The following LCOR variants were observed in gnomAD, a reference collection of about 807,000 sequenced individuals.
The protein encoded by LCOR is ligand dependent nuclear receptor corepressor, also known as ligand-dependent corepressor.
A neutral mutation model predicts 64.4 loss-of-function variants in LCOR; 14 were observed. The observed-to-expected ratio is 0.22, with a 90% confidence interval of 0.14 to 0.34. The LOEUF (loss-of-function observed/expected upper bound fraction) is 0.34, where lower values mean the gene tolerates loss of function less well. Ranked by LOEUF, LCOR falls within the 10% of genes least tolerant of loss-of-function variation. The probability of loss-of-function intolerance (pLI) is 1.00; values close to 1 mark genes in which losing one functional copy is unlikely to be tolerated. For synonymous variants in LCOR, 643 were observed against 642.5 expected, an observed-to-expected ratio of 1.00 and a Z score of -0.01; for missense variants, 1,686 against 1,765.3, an observed-to-expected ratio of 0.96 and a Z score of 0.80.
chr10:96,970,682 CAG>C (rs1328991319), intron 7 of LCOR, among the ~76,000 whole-genome samples: 3 of 144,204 alleles, frequency 2.1e-5, no homozygotes, highest in African/African-American at 5.5e-5. Context: ...ATTTTAGAGA[CAG>C]AGTCTCACTC....
rs545280011 is a variant in LCOR, at chr10:96,882,558, C to T, written c.-329-24707C>T. ...TTGATTTCTCCATACTACAGTGGTA[C>T]ATTTATTATAGTTGATGAACCTACG... On this transcript the variant is annotated intron_variant, in intron 2 of 7. Coordinates refer to ENST00000421806, the MANE Select transcript of LCOR (RefSeq NM_001346516.2). 3.6e-4 allele frequency among the ~76,000 whole-genome samples: 55 copies of T among 152,266 alleles called. 1 individual carries two copies. Among genetic ancestry groups the T allele is most frequent in the African/African-American group, 1.2e-3 (49 of 41,558 alleles).
intron 2 of LCOR, among the ~76,000 whole-genome samples, chr10:96,892,042 G>A (rs1846455024): frequency 6.6e-6 from 1 of 152,148 alleles, no homozygotes; most frequent in Non-Finnish European, 1.5e-5. Context: ...ATGTTCCAGT[G>A]CACTTGAAAA....
chr10:96,855,903 G>C (rs188529674), intron 2 of LCOR, among the ~76,000 whole-genome samples: 1 of 150,610 alleles, frequency 6.6e-6, no homozygotes, highest in Admixed American at 6.6e-5. Flanking sequence ...CACCATGCCC[G>C]GCTAATTTTG....
intron 2 of LCOR, among the ~76,000 whole-genome samples, chr10:96,889,349 C>T (rs747084227): frequency 4.9e-4 from 74 of 152,108 alleles, no homozygotes; most frequent in Non-Finnish European, 8.1e-4. Context: ...ACCAAAATAC[C>T]ACAGGCTTAG....
At chr10:96,960,143 C>G (rs1847855850) in intron 7 of LCOR, 1 of 152,170 alleles carries the variant, frequency 6.6e-6, no homozygotes. Flanking sequence ...AATATCATAA[C>G]TACCTTCTGT....
intron 1 of LCOR, 72 bp from the exon 2 acceptor site, chr10:96,833,334 C>A: frequency 1.0e-6 from 1 of 958,458 alleles, no homozygotes; most frequent in Non-Finnish European, 1.2e-6. Flanking sequence ...CGGACGGGGG[C>A]GCCCCGGGAG....
rs2134564802 is a variant in LCOR at position 96,982,788 on chromosome 10, G to A, written c.2328G>A (p.Glu776=). ...AAGGIGKLEG[E]DGDVKCLSEK... is the part of the protein sequence containing the mutation. Reference sequence around the variant, plus strand: ...GTGGTATAGGAAAATTAGAGGGAGAGGACGGTGATGTAAAATGCCTGTCAG... The same window carrying A: ...GTGGTATAGGAAAATTAGAGGGAGAAGACGGTGATGTAAAATGCCTGTCAG... The change falls in exon 8 of 8, where the codon GAG becomes GAA. Residue 776 remains glutamate (E), a synonymous_variant. Coordinates refer to ENST00000421806, the MANE Select transcript of LCOR (RefSeq NM_001346516.2). 6.2e-7 allele frequency: 1 copy of A among 1,614,022 alleles called. No homozygotes were observed. Among genetic ancestry groups the A allele is most frequent in the East Asian group, 2.2e-5 (1 of 44,880 alleles).
rs1263467080 is a variant in LCOR at position 96,990,593 on chromosome 10, C to T, written c.*5459C>T. The T allele has an allele frequency of 1.3e-5, 2 of 152,284 alleles. No homozygotes were observed. Among genetic ancestry groups the T allele is most frequent in the Admixed American group, 6.6e-5 (1 of 15,264 alleles). The allele number at this position is 152,284 out of a possible 1,614,324, so 9.4% of individuals were successfully genotyped here. On this transcript the variant is annotated 3_prime_UTR_variant, in exon 8 of 8. Coordinates refer to ENST00000421806, the MANE Select transcript of LCOR (RefSeq NM_001346516.2). ...ATTAGACTCAGGCAGAAACTCAGAG[C>T]TCTCAGGGCTTTGCTGTGCTGTGCT... is the stretch of plus-strand genomic sequence containing the variant.
At chr10:96,832,834 C>A (rs1249942883) in intron 1 of LCOR, 1 of 235,382 alleles carries the variant, frequency 4.2e-6, no homozygotes, top group Non-Finnish European at 6.9e-6. Context: ...GCTCGGCCCC[C>A]ACCCGCGCTG....
intron 7 of LCOR, among the ~76,000 whole-genome samples, chr10:96,953,334 T>C (rs151087464): frequency 0.054 from 8,284 of 152,006 alleles, 762 homozygotes; most frequent in African/African-American, 0.19. Flanking sequence ...GGCAGATCAC[T>C]TGAGGTCAGG....
At chr10:96,852,858 A>C (rs1209966377) in intron 2 of LCOR, among the ~76,000 whole-genome samples, 1 of 152,100 alleles carries the variant, frequency 6.6e-6, no homozygotes, top group Non-Finnish European at 1.5e-5. Flanking sequence ...AAACAATTTC[A>C]TTTTGTTATA....
chr10:96,988,019 T>C lies in LCOR; in HGVS notation c.*2885T>C, dbSNP rs1376203748. 6.6e-6 allele frequency: 1 copy of C among 152,266 alleles called. No individual in the cohort carries two copies. The highest frequency in any genetic ancestry group is 2.4e-5 in the African/African-American group (1 of 41,466). 9.4% of individuals were successfully genotyped at this position (152,266 alleles called of 1,614,324 possible). A position where few individuals can be genotyped will look rare whatever the true frequency, so the allele number is the denominator to read the frequency against. On this transcript the variant is annotated 3_prime_UTR_variant, in exon 8 of 8. Coordinates refer to ENST00000421806, the MANE Select transcript of LCOR (RefSeq NM_001346516.2). ...GTTCCAGTCTTGGGGCTGAAGTTGA[T>C]GACCAAAGGACACTGGTATTCTCTG...
At chr10:96,854,290 A>G (rs1355833526) in intron 2 of LCOR, among the ~76,000 whole-genome samples, 1 of 152,128 alleles carries the variant, frequency 6.6e-6, no homozygotes, top group Admixed American at 6.6e-5. Context: ...GCGAAAAAGA[A>G]TTGGGGCCAT....
chr10:96,846,608 G>T (rs1845634020), intron 2 of LCOR, among the ~76,000 whole-genome samples: 1 of 152,194 alleles, frequency 6.6e-6, no homozygotes, highest in Admixed American at 6.5e-5. Flanking sequence ...TATGAGTAAA[G>T]TGATAAAGCT....
Position 96,952,123 on chromosome 10 carries a change from A to G in LCOR, c.259A>G (p.Thr87Ala). Residue 87 changes from threonine to alanine, a missense_variant, in exon 7 of 8, where the codon ACT (threonine) becomes GCT (alanine). By Grantham distance (58) the Thr-to-Ala change is moderately conservative. Around this residue, in one of 3 missense-constraint regions of LCOR, gnomAD observed 80 missense variants for 107.7 expected, o/e 0.74. Coordinates refer to ENST00000421806, the MANE Select transcript of LCOR (RefSeq NM_001346516.2). ...SEQDGVLDLS[T>A]KKSPCAGSTS... is the part of the protein sequence containing the mutation. Reference sequence around the variant, plus strand: ...TGCAGACGGTGTACTTGATCTGTCCACTAAGAAAAGTCCATGTGCTGGCAG... The same window carrying G: ...TGCAGACGGTGTACTTGATCTGTCCGCTAAGAAAAGTCCATGTGCTGGCAG... 1 of 1,613,928 alleles carries G rather than the reference A, an allele frequency of 6.2e-7. No individual in the cohort carries two copies. The highest frequency in any genetic ancestry group is 8.5e-7 in the Non-Finnish European group (1 of 1,179,822).
chr10:96,951,180 A>G (rs991057005), intron 6 of LCOR, among the ~76,000 whole-genome samples: 1 of 152,182 alleles, frequency 6.6e-6, no homozygotes, highest in Non-Finnish European at 1.5e-5. Flanking sequence ...AATTTTGGAC[A>G]GAGTGGTAGC....
chr10:96,951,210 A>G (rs552984102), intron 6 of LCOR, among the ~76,000 whole-genome samples: 3 of 152,300 alleles, frequency 2.0e-5, no homozygotes, highest in Non-Finnish European at 2.9e-5. Context: ...CTTCTTTTCC[A>G]GGTATTTCAA....
intron 4 of LCOR, among the ~76,000 whole-genome samples, chr10:96,910,168 G>A (rs948085014): frequency 1.3e-5 from 2 of 152,122 alleles, no homozygotes; most frequent in Non-Finnish European, 2.9e-5. Flanking sequence ...AAGTAGCTAG[G>A]ACTACAGGTA....
chr10:96,833,194 G>A (rs1845377181), intron 1 of LCOR: 1 of 984,980 alleles, frequency 1.0e-6, no homozygotes. Flanking sequence ...GAGCCCCGGC[G>A]GGGGTCGCTC....
Sources: gnomAD v4.1 joint callset for allele counts (sites outside exome capture counted in the v4.1 genomes callset) on GRCh38, gnomAD v4.1.1 for gene constraint, gnomAD v4.1.1 regional missense constraint, MANE v1.5 for transcripts, NCBI Gene and HGNC (gene_info 2026-07-23, HGNC 2026-07-21) for gene names.